Variants in CEACAM4 observed in about 807,000 individuals in gnomAD.
The protein encoded by CEACAM4 is cell adhesion molecule CEACAM4.
CEACAM4 carries 30 observed loss-of-function variants against 28.7 expected under a neutral mutation model. The observed-to-expected ratio is 1.05, with a 90% CI of 0.78 to 1.42. CEACAM4 has a LOEUF of 1.42. CEACAM4 is among the 40% of genes most tolerant of loss of function. The pLI, the probability that CEACAM4 is intolerant of heterozygous loss-of-function variation, is 0.00. For missense variants in CEACAM4, 330 were observed against 308.2 expected (o/e 1.07, Z -0.53); for synonymous variants, 143 against 126.5 (o/e 1.13, Z -0.87).
downstream of CEACAM4, among the ~76,000 whole-genome samples, chr19:41,614,094 T>C (rs2070962569): frequency 6.6e-6 from 1 of 152,224 alleles, no homozygotes; most frequent in Admixed American, 6.5e-5. Flanking sequence ...TTTGCTCTAA[T>C]TGTGGTTTTT....
At chr19:41,620,347 G>A (rs1241380556) in intron 4 of CEACAM4, 105 bp from the exon 5 acceptor site, 6 of 1,122,712 alleles carry the variant, frequency 5.3e-6, no homozygotes, top group Non-Finnish European at 7.4e-6. Flanking sequence ...GGGAGAGGGA[G>A]CCTCTTCCCA....
rs73562945 is a variant in CEACAM4, at chr19:41,626,776, C to A, written c.64+124G>T. ...CCTTATCCAGCCTCCAACAGAGGCC[C>A]TCAGTCCCCTCTCAGAGCCCCAGGA... is the stretch of plus-strand genomic sequence containing the variant. On this transcript the variant is annotated intron_variant, in intron 1 of 6. Transcript: ENST00000221954. The A allele has an allele frequency of 4.1e-3, 3,006 of 727,114 alleles. 78 individuals carry two copies. The African/African-American group carries it at 0.048, about 12-fold the overall frequency. The allele number at this position is 727,114 out of a possible 1,614,324, so 45.0% of individuals were successfully genotyped here.
chr19:41,615,405 G>A (rs2070972934), downstream of CEACAM4, among the ~76,000 whole-genome samples: 1 of 152,068 alleles, frequency 6.6e-6, no homozygotes, highest in Non-Finnish European at 1.5e-5. Context: ...AGCCTCAGGT[G>A]TGTGGAGCCA....
downstream of CEACAM4, among the ~76,000 whole-genome samples, chr19:41,614,034 T>G (rs2070962264): frequency 6.6e-6 from 1 of 152,266 alleles, no homozygotes; most frequent in African/African-American, 2.4e-5. Context: ...GGCAACATTC[T>G]GTTAGGTGCA....
At position 41,625,596 on chromosome 19, in the gene CEACAM4, C is replaced by T. The variant is rs781925812; in HGVS notation, c.424+5G>A. The T allele has an allele frequency of 1.8e-5, 28 of 1,562,606 alleles. No individual in the cohort carries two copies. In the Admixed American group the frequency reaches 2.0e-4, roughly 11 times the overall value. ...AGCACCCAGAGGTATGGGGGAATCACTCACGGTGTACGTGGAGCTGGCCAG... is the reference window on the plus strand; with the variant it reads ...AGCACCCAGAGGTATGGGGGAATCATTCACGGTGTACGTGGAGCTGGCCAG... On this transcript the variant is annotated splice_donor_5th_base_variant and intron_variant, in intron 2 of 6. Coordinates refer to ENST00000221954, the MANE Select transcript of CEACAM4 (RefSeq NM_001817.4).
At chr19:41,626,854 C>G in intron 1 of CEACAM4, 46 bp downstream of exon 1, 1 of 1,565,614 alleles carries the variant, frequency 6.4e-7, no homozygotes, top group Non-Finnish European at 8.8e-7. Context: ...CCCAGTCAGT[C>G]TCTGTGCTCC....
At chr19:41,626,049 T>C in intron 1 of CEACAM4, 89 bp from the exon 2 acceptor site, 3 of 1,164,458 alleles carry the variant, frequency 2.6e-6, no homozygotes, top group Non-Finnish European at 3.7e-6. Context: ...GGTCTCCTCA[T>C]CCCTCAGCCT....
At chr19:41,623,488 G>A (rs2071446673) in intron 2 of CEACAM4, among the ~76,000 whole-genome samples, 1 of 135,086 alleles carries the variant, frequency 7.4e-6, no homozygotes, top group Non-Finnish European at 1.5e-5. Flanking sequence ...AGGACATGAT[G>A]TACTGGGCAA....
At chr19:41,625,564 G>C (rs1250953375) in intron 2 of CEACAM4, 37 bp downstream of exon 2, 11 of 1,544,044 alleles carry the variant, frequency 7.1e-6, no homozygotes, top group African/African-American at 2.7e-5. Flanking sequence ...AAGCAGAACT[G>C]ACCGCCAGCA....
downstream of CEACAM4, among the ~76,000 whole-genome samples, chr19:41,618,333 T>C (rs1600335374): frequency 6.6e-6 from 1 of 151,926 alleles, no homozygotes; most frequent in East Asian, 1.9e-4. Flanking sequence ...TGCCAGGGGG[T>C]AAAGTGGGAA....
intron 2 of CEACAM4, 62 bp downstream of exon 2, chr19:41,625,539 A>T: frequency 6.5e-7 from 1 of 1,531,486 alleles, no homozygotes; most frequent in African/African-American, 1.4e-5. Context: ...CAGGCCTGAC[A>T]ATCTCATGTG....
chr19:41,619,126 G>T lies in CEACAM4; in HGVS notation c.*204C>A. 2 of 579,420 alleles carry T rather than the reference G, an allele frequency of 3.5e-6. No homozygotes were observed. Among genetic ancestry groups the T allele is most frequent in the Non-Finnish European group, 6.1e-6 (2 of 327,070 alleles). 35.9% of individuals were successfully genotyped at this position (579,420 alleles called of 1,614,324 possible). On this transcript the variant is annotated 3_prime_UTR_variant, in exon 7 of 7. Transcript: ENST00000221954. ...CTTCCTGTGGTGATGAGAGGCCTTT[G>T]TCCCGGCCCACCCAGAGCCCAGGGC...
downstream of CEACAM4, among the ~76,000 whole-genome samples, chr19:41,616,012 G>C (rs73931723): frequency 0.015 from 2,295 of 152,206 alleles, 59 homozygotes; most frequent in African/African-American, 0.052. Context: ...GTGAAGCGGG[G>C]AAGCAGTGTG....
intron 3 of CEACAM4, 116 bp downstream of exon 3, chr19:41,621,535 G>T: frequency 1.6e-6 from 1 of 612,500 alleles, no homozygotes; most frequent in Non-Finnish European, 3.0e-6. Flanking sequence ...GAATGAGAGA[G>T]AAGGATTCCT....
rs1555801586 is a variant in CEACAM4, at chr19:41,621,678, C to G, written c.515G>C (p.Cys172Ser). The change falls in exon 3 of 7, where the codon TGT becomes TCT. Residue 172 changes from cysteine to serine, a missense_variant. Coordinates refer to ENST00000221954, the MANE Select transcript of CEACAM4 (RefSeq NM_001817.4). The part of the protein sequence containing the change: ...VGVALVAALV[C>S]FLLLSRTGRA... The stretch of plus-strand genomic sequence containing the variant: ...TCCAGTCCTGGAGAGAAGCAGAAAA[C>G]ACACCAGGGCGGCCACCAGAGCCAC... The G allele has an allele frequency of 1.2e-6, 2 of 1,609,936 alleles. No individual in the cohort carries two copies. The highest frequency in any genetic ancestry group is 2.7e-5 in the African/African-American group (2 of 74,854).
At chr19:41,621,841 GCAGGGGCATAGT>G in intron 2 of CEACAM4, 73 bp from the exon 3 acceptor site, 1 of 843,770 alleles carries the variant, frequency 1.2e-6, no homozygotes, top group Non-Finnish European at 2.0e-6. Flanking sequence ...GCATTGCAGG[GCAGGGGCATAGT>G]CAGGGAGGAA....
downstream of CEACAM4, among the ~76,000 whole-genome samples, chr19:41,618,031 A>C (rs998252790): frequency 1.1e-5 from 1 of 92,446 alleles, no homozygotes; most frequent in African/African-American, 3.7e-5. Context: ...ACTCTTGGGA[A>C]CTGTGGCTCT....
downstream of CEACAM4, among the ~76,000 whole-genome samples, chr19:41,614,933 G>A (rs1046135724): frequency 7.9e-5 from 12 of 151,274 alleles, no homozygotes; most frequent in Non-Finnish European, 1.5e-4. Context: ...AAGGGATAGG[G>A]GTGGGGAGGG....
chr19:41,622,843 TATAC>T (rs1296037150), intron 2 of CEACAM4, among the ~76,000 whole-genome samples: 2 of 118,516 alleles, frequency 1.7e-5, no homozygotes, highest in East Asian at 9.0e-4. Context: ...CTAGCATATA[TATAC>T]ATATATATAG....
Sources: gnomAD v4.1 joint callset for allele counts (sites outside exome capture counted in the v4.1 genomes callset) on GRCh38, gnomAD v4.1.1 for gene constraint, MANE v1.5 for transcripts, NCBI Gene and HGNC (gene_info 2026-07-23, HGNC 2026-07-21) for gene names.